Variants in EPHA3 observed in about 807,000 individuals in gnomAD.
The protein encoded by EPHA3 is ephrin type-A receptor 3.
In EPHA3, 42 loss-of-function variants were observed where a neutral mutation model predicts 107.1. The observed-to-expected ratio is 0.39, with a 90% CI of 0.31 to 0.51. The LOEUF (loss-of-function observed/expected upper bound fraction) is 0.51, where lower values mean the gene tolerates loss of function less well. Ranked by LOEUF, EPHA3 falls within the 20% of genes least tolerant of loss-of-function variation. The pLI is 0.78. For synonymous variants in EPHA3, 461 were observed against 424.8 expected (o/e 1.09, Z -1.05); for missense variants, 1,183 against 1,211.2 (o/e 0.98, Z 0.35).
At chr3:89,431,641 G>A (rs749944482) in intron 13 of EPHA3, among the ~76,000 whole-genome samples, 5 of 152,056 alleles carry the variant, frequency 3.3e-5, no homozygotes, top group Non-Finnish European at 5.9e-5. Context: ...ATTTTTAAAT[G>A]TACCCATCTT....
chr3:89,408,160 T>C (rs760388093), intron 9 of EPHA3, 29 bp downstream of exon 9: 9 of 1,606,722 alleles, frequency 5.6e-6, no homozygotes, highest in Non-Finnish European at 6.8e-6. Context: ...CTTTTTGTTT[T>C]GCTTCACCGT....
At chr3:89,293,242 C>T (rs1706259311) in intron 3 of EPHA3, among the ~76,000 whole-genome samples, 1 of 152,014 alleles carries the variant, frequency 6.6e-6, no homozygotes, top group Non-Finnish European at 1.5e-5. Context: ...TTTCTAAACA[C>T]AAGTACTTTA....
chr3:89,111,754 T>A (rs886304389), intron 1 of EPHA3, among the ~76,000 whole-genome samples: 3 of 152,124 alleles, frequency 2.0e-5, no homozygotes, highest in Admixed American at 6.5e-5. Context: ...TCTGAATCTA[T>A]ATCTTTGTAA....
chr3:89,406,823 T>C (rs1397477719), intron 7 of EPHA3, among the ~76,000 whole-genome samples: 1 of 152,170 alleles, frequency 6.6e-6, no homozygotes, highest in Non-Finnish European at 1.5e-5. Flanking sequence ...ATGTATTATA[T>C]CACTTTTCAA....
At chr3:89,123,729 C>T (rs1211029864) in intron 1 of EPHA3, among the ~76,000 whole-genome samples, 1 of 152,096 alleles carries the variant, frequency 6.6e-6, no homozygotes, top group African/African-American at 2.4e-5. Flanking sequence ...CAGAAAAACT[C>T]CAGTTATTTA....
chr3:89,340,518 T>C (rs994186861), intron 3 of EPHA3, among the ~76,000 whole-genome samples: 1 of 152,234 alleles, frequency 6.6e-6, no homozygotes, highest in Admixed American at 6.5e-5. Flanking sequence ...AACTAGTCAA[T>C]GTTAATATAC....
intron 3 of EPHA3, among the ~76,000 whole-genome samples, chr3:89,253,105 A>G (rs1376730962): frequency 6.6e-6 from 1 of 152,030 alleles, no homozygotes; most frequent in Admixed American, 6.6e-5. Flanking sequence ...GAGTTCTGCA[A>G]ATGATACTTC....
intron 1 of EPHA3, among the ~76,000 whole-genome samples, chr3:89,123,609 G>A (rs1446662276): frequency 6.6e-6 from 1 of 151,986 alleles, no homozygotes; most frequent in East Asian, 1.9e-4. Context: ...GCCCCTTCTA[G>A]TCATACATCT....
chr3:89,407,320 C>G lies in EPHA3; in HGVS notation c.1646C>G (p.Ala549Gly). 6.2e-7 allele frequency: 1 copy of G among 1,613,560 alleles called. No individual in the cohort carries two copies. The highest frequency in any genetic ancestry group is 8.5e-7 in the Non-Finnish European group (1 of 1,179,642). The change falls in exon 8 of 17, where the codon GCG (alanine) becomes GGG (glycine). Residue 549 changes from alanine (A) to glycine (G), a missense_variant. By Grantham distance (60) the Ala-to-Gly change is moderately conservative. Coordinates refer to ENST00000336596, the MANE Select transcript of EPHA3 (RefSeq NM_005233.6). Reference protein sequence around the residue: ...SSQVVMIAISAAVAIILLTVV... With the variant: ...SSQVVMIAISGAVAIILLTVV... ...CAAGTGGTCATGATCGCCATTTCAG[C>G]GGCAGTAGCAATTATTCTCCTCACT...
rs202214356 is a variant in EPHA3 at position 89,167,465 on chromosome 3, C to T, written c.153+40192C>T. ...TGAAGTAGGGAGAAAAGCTATTTCT[C>T]TCCCCTATGTGGGGAGAAATAACAT... On this transcript the variant is annotated intron_variant, in intron 2 of 16. Coordinates refer to ENST00000336596, the MANE Select transcript of EPHA3 (RefSeq NM_005233.6). Among the ~76,000 whole-genome samples the T allele has an allele frequency of 1.5e-4, 23 of 152,008 alleles. No homozygotes were observed. In the East Asian group the frequency reaches 3.7e-3, roughly 24 times the overall value.
At chr3:89,310,168 T>A (rs1706729879) in intron 3 of EPHA3, among the ~76,000 whole-genome samples, 1 of 152,082 alleles carries the variant, frequency 6.6e-6, no homozygotes. Context: ...CTTTGAGCAG[T>A]TCAGGCCAGG....
chr3:89,247,680 A>C (rs550587394), intron 3 of EPHA3, among the ~76,000 whole-genome samples: 2 of 152,320 alleles, frequency 1.3e-5, no homozygotes, highest in Non-Finnish European at 2.9e-5. Flanking sequence ...GATTGTGAAA[A>C]AAGTGATGAG....
At position 89,196,297 on chromosome 3, in the gene EPHA3, C is replaced by T. The variant is rs145295785; in HGVS notation, c.154-13563C>T. Among the ~76,000 whole-genome samples the T allele has an allele frequency of 1.8e-3, 269 of 152,278 alleles. 2 individuals carry two copies. Among genetic ancestry groups the T allele is most frequent in the Middle Eastern group, 3.4e-3 (1 of 294 alleles). On this transcript the variant is annotated intron_variant, in intron 2 of 16. Coordinates refer to ENST00000336596, the MANE Select transcript of EPHA3 (RefSeq NM_005233.6). ...CTCCTCTCAACATACACAACTGTGTCCTCTCTCTGGCTTCCGTCATTGCTT... is the reference window on the plus strand; with the variant it reads ...CTCCTCTCAACATACACAACTGTGTTCTCTCTCTGGCTTCCGTCATTGCTT...
chr3:89,136,291 G>A (rs1159013059), intron 2 of EPHA3, among the ~76,000 whole-genome samples: 1 of 113,696 alleles, frequency 8.8e-6, no homozygotes, highest in Admixed American at 1.2e-4. Context: ...AAGGAAGGAT[G>A]TCTGATTAAA....
At chr3:89,457,151 G>C (rs531050285) in intron 15 of EPHA3, among the ~76,000 whole-genome samples, 1 of 152,312 alleles carries the variant, frequency 6.6e-6, no homozygotes, top group South Asian at 2.1e-4. Context: ...CAGGAAAACA[G>C]GCTGGGGGAA....
chr3:89,341,810 C>A lies in EPHA3; in HGVS notation c.1026C>A (p.Ile342=). The change falls in exon 5 of 17, where the codon ATC becomes ATA. Residue 342 remains isoleucine, a synonymous_variant. Transcript: ENST00000336596. ...VISNINETSV[I]LDWSWPLDTG... ...CTAATATAAACGAGACCTCAGTTAT[C>A]CTGGACTGGAGTTGGCCCCTGGACA... 1.2e-6 allele frequency: 2 copies of A among 1,613,896 alleles called. No homozygotes were observed. Among genetic ancestry groups the A allele is most frequent in the Admixed American group, 3.3e-5 (2 of 59,988 alleles).
chr3:89,432,199 G>T (rs1423141179), intron 13 of EPHA3, among the ~76,000 whole-genome samples: 1 of 151,970 alleles, frequency 6.6e-6, no homozygotes, highest in African/African-American at 2.4e-5. Flanking sequence ...TGAATGTTTT[G>T]TGTCAAAGAT....
chr3:89,184,826 A>G (rs1198131333), intron 2 of EPHA3, among the ~76,000 whole-genome samples: 1 of 152,074 alleles, frequency 6.6e-6, no homozygotes, highest in Non-Finnish European at 1.5e-5. Context: ...GAAAAGGGAT[A>G]GCAGCAGTGA....
chr3:89,416,038 A>G (rs1196746729), intron 10 of EPHA3, among the ~76,000 whole-genome samples: 1 of 151,440 alleles, frequency 6.6e-6, no homozygotes, highest in Non-Finnish European at 1.5e-5. Context: ...GCATTGTTCA[A>G]TATGTGTTTT....
Sources: gnomAD v4.1 joint callset for allele counts (sites outside exome capture counted in the v4.1 genomes callset) on GRCh38, gnomAD v4.1.1 for gene constraint, MANE v1.5 for transcripts, NCBI Gene and HGNC (gene_info 2026-07-23, HGNC 2026-07-21) for gene names.